Variants in FRMD4A observed in about 807,000 individuals in gnomAD.
The protein encoded by FRMD4A is FERM domain-containing protein 4A.
FRMD4A carries 29 observed loss-of-function variants against 129.1 expected under a neutral mutation model. That is an observed-to-expected ratio of 0.22 (90% CI 0.17 to 0.31). FRMD4A has a LOEUF of 0.31. Among genes scored for constraint, FRMD4A ranks in the 10% least tolerant of loss-of-function variants. The pLI is 1.00. For missense variants in FRMD4A, 1,272 were observed against 1,375.8 expected (o/e 0.92, Z 1.19); for synonymous variants, 634 against 571.6 (o/e 1.11, Z -1.56).
chr10:14,185,417 G>T (rs4750480), intron 2 of FRMD4A, among the ~76,000 whole-genome samples: 1 of 152,072 alleles, frequency 6.6e-6, no homozygotes, highest in Non-Finnish European at 1.5e-5. Context: ...CACCCTAAGC[G>T]TAAGGAGAGC....
At chr10:13,890,899 G>C (rs957621295) in intron 2 of FRMD4A, 1 of 976,266 alleles carries the variant, frequency 1.0e-6, no homozygotes, top group Non-Finnish European at 1.2e-6. Flanking sequence ...GAATACGCCT[G>C]AATGTACGAA....
At chr10:14,016,230 AC>A (rs1351393926) in intron 2 of FRMD4A, among the ~76,000 whole-genome samples, 1 of 151,934 alleles carries the variant, frequency 6.6e-6, no homozygotes, top group African/African-American at 2.4e-5. Flanking sequence ...TGCTAATTGG[AC>A]ATCCCAGAAT....
At chr10:14,054,094 A>AT (rs1834392847) in intron 2 of FRMD4A, among the ~76,000 whole-genome samples, 1 of 151,788 alleles carries the variant, frequency 6.6e-6, no homozygotes, top group Non-Finnish European at 1.5e-5. Context: ...GAGCCAAGGA[A>AT]TTTGAGGCTG....
At chr10:13,864,273 G>A (rs1482659621) in intron 2 of FRMD4A, among the ~76,000 whole-genome samples, 1 of 145,050 alleles carries the variant, frequency 6.9e-6, no homozygotes, top group African/African-American at 2.6e-5. Flanking sequence ...TAGGATTATA[G>A]GCATGAGCCA....
intron 2 of FRMD4A, among the ~76,000 whole-genome samples, chr10:13,973,011 T>C (rs1178038480): frequency 6.6e-6 from 1 of 152,262 alleles, no homozygotes; most frequent in African/African-American, 2.4e-5. Flanking sequence ...TGGAGTCCTT[T>C]GTAACCTCAG....
chr10:14,057,422 T>C (rs973288537), intron 2 of FRMD4A, among the ~76,000 whole-genome samples: 1 of 152,156 alleles, frequency 6.6e-6, no homozygotes, highest in African/African-American at 2.4e-5. Context: ...AACAAAATAA[T>C]ACCAGGCTCC....
At chr10:14,045,864 TATC>T (rs1346310139) in intron 2 of FRMD4A, among the ~76,000 whole-genome samples, 2 of 146,668 alleles carry the variant, frequency 1.4e-5, no homozygotes, top group African/African-American at 2.5e-5. Flanking sequence ...TATAATTATA[TATC>T]ATATTATATA....
chr10:13,910,470 T>A (rs2094929288), intron 2 of FRMD4A, among the ~76,000 whole-genome samples: 1 of 152,212 alleles, frequency 6.6e-6, no homozygotes, highest in Admixed American at 6.5e-5. Context: ...ATTACCAACA[T>A]ATGCAATCAT....
intron 2 of FRMD4A, among the ~76,000 whole-genome samples, chr10:13,979,044 A>C (rs774064374): frequency 2.0e-4 from 30 of 152,170 alleles, no homozygotes; most frequent in Non-Finnish European, 2.9e-4. Context: ...GCCTGAATTA[A>C]ATCAGTCCAG....
At chr10:13,983,262 G>A (rs892799800) in intron 2 of FRMD4A, among the ~76,000 whole-genome samples, 1 of 152,144 alleles carries the variant, frequency 6.6e-6, no homozygotes, top group Non-Finnish European at 1.5e-5. Context: ...AAATTTGCAA[G>A]CAGTCCTCTT....
In FRMD4A at chr10:13,858,434, T is replaced by TCAAAA. The variant is rs200067887; in HGVS notation, c.111+408_111+412dup. 3.2e-4 allele frequency among the ~76,000 whole-genome samples: 49 copies of TCAAAA among 152,236 alleles called. No homozygotes were observed. The East Asian group carries it at 8.7e-3, about 27-fold the overall frequency. On this transcript the variant is annotated intron_variant, in intron 3 of 24. Transcript: ENST00000357447. ...TGGGCAACAAGAGCGAGACTCTGTC[T>TCAAAA]CAAAACAAAACAAAACAAAAAAACA...
chr10:14,094,169 G>C (rs555277607), intron 2 of FRMD4A, among the ~76,000 whole-genome samples: 3 of 152,220 alleles, frequency 2.0e-5, no homozygotes, highest in African/African-American at 7.2e-5. Context: ...CTGACAGTCT[G>C]GTTCAAAAGA....
At chr10:14,224,988 T>A (rs532130316) in intron 2 of FRMD4A, among the ~76,000 whole-genome samples, 1 of 152,180 alleles carries the variant, frequency 6.6e-6, no homozygotes, top group Non-Finnish European at 1.5e-5. Flanking sequence ...CCTCTCATCA[T>A]GATGTACAAC....
At position 13,789,769 on chromosome 10, in the gene FRMD4A, A is replaced by ATGTGTGTGTGTGTGTGTGTG. The variant is rs57602565; in HGVS notation, c.299+6707_299+6726dup. 3.1e-3 allele frequency among the ~76,000 whole-genome samples: 399 copies of ATGTGTGTGTGTGTGTGTGTG among 130,172 alleles called. 4 individuals are homozygous for ATGTGTGTGTGTGTGTGTGTG. Among genetic ancestry groups the ATGTGTGTGTGTGTGTGTGTG allele is most frequent in the African/African-American group, 0.011 (366 of 32,908 alleles). The allele number at this position is 130,172 out of a possible 152,430, so 85.4% of individuals were successfully genotyped here. The stretch of plus-strand genomic sequence containing the variant: ...TATTGACCGCTGCTGGCTGCTTATA[A>ATGTGTGTGTGTGTGTGTGTG]TGTGTGTGTGTGTGTGTGTGTGTGT... On this transcript the variant is annotated intron_variant, in intron 5 of 24. Transcript: ENST00000357447.
intron 2 of FRMD4A, among the ~76,000 whole-genome samples, chr10:13,914,587 A>C (rs910655697): frequency 4.6e-5 from 7 of 152,222 alleles, no homozygotes; most frequent in Non-Finnish European, 8.8e-5. Context: ...AAAATGACAA[A>C]AACTTAGCTT....
intron 2 of FRMD4A, among the ~76,000 whole-genome samples, chr10:13,864,466 A>G (rs1256263449): frequency 6.6e-6 from 1 of 151,436 alleles, no homozygotes; most frequent in Non-Finnish European, 1.5e-5. Context: ...TTTTCTCAAC[A>G]TACCACCTTT....
chr10:14,227,276 G>T, intron 2 of FRMD4A, among the ~76,000 whole-genome samples: 1 of 95,210 alleles, frequency 1.1e-5, no homozygotes, highest in East Asian at 3.0e-4. Context: ...TTTTTAGGCA[G>T]AGTCTCACTC....
At chr10:13,900,009 C>T (rs777463219) in intron 2 of FRMD4A, among the ~76,000 whole-genome samples, 31 of 152,122 alleles carry the variant, frequency 2.0e-4, no homozygotes, top group African/African-American at 7.5e-4. Context: ...ATATGTCAAG[C>T]AGGTGTTAAA....
At position 14,246,958 on chromosome 10, in the gene FRMD4A, G is replaced by T. The variant is rs577561095; in HGVS notation, c.45+83100C>A. Among the ~76,000 whole-genome samples, 3 of 152,290 alleles carry T rather than the reference G, an allele frequency of 2.0e-5. No individual in the cohort carries two copies. In the South Asian group the frequency reaches 6.2e-4, roughly 32 times the overall value. On this transcript the variant is annotated intron_variant, in intron 2 of 24. Transcript: ENST00000357447. ...GCTGCGTTGTGTGAACATGGGCACG[G>T]TTAGAGGGAGTGGGCTTCCCTGAGG...
Sources: gnomAD v4.1 joint callset for allele counts (sites outside exome capture counted in the v4.1 genomes callset) on GRCh38, gnomAD v4.1.1 for gene constraint, MANE v1.5 for transcripts, NCBI Gene and HGNC (gene_info 2026-07-23, HGNC 2026-07-21) for gene names.